MXRA7: variants seen among roughly 807,000 people sequenced by gnomAD.
MXRA7 encodes the protein matrix-remodeling-associated protein 7.
In MXRA7, 18 loss-of-function variants were observed where a neutral mutation model predicts 17.4. That is an observed-to-expected ratio of 1.03 (90% CI 0.71 to 1.53). The LOEUF (loss-of-function observed/expected upper bound fraction) is 1.53. MXRA7 is among the 40% of genes most tolerant of loss of function. The pLI, the probability that MXRA7 is intolerant of heterozygous loss-of-function variation, is 0.00. For synonymous variants in MXRA7, 70 were observed against 101.7 expected (o/e 0.69, Z 1.87); for missense variants, 141 against 209.3 (o/e 0.67, Z 2.01).
At chr17:76,703,627 G>GGT (rs1567989239) in intron 1 of MXRA7, 1 of 151,146 alleles carries the variant, frequency 6.6e-6, no homozygotes, top group Non-Finnish European at 1.5e-5. Flanking sequence ...TTTGTTTTTT[G>GGT]TTTTTTAAAG....
chr17:76,702,730 T>C (rs2076604038), intron 1 of MXRA7, among the ~76,000 whole-genome samples: 1 of 151,638 alleles, frequency 6.6e-6, no homozygotes, highest in African/African-American at 2.4e-5. Context: ...TAGGTGCCTG[T>C]AATCCCAACT....
intron 1 of MXRA7, among the ~76,000 whole-genome samples, chr17:76,697,284 A>G (rs1051092200): frequency 6.6e-6 from 1 of 152,182 alleles, no homozygotes; most frequent in African/African-American, 2.4e-5. Flanking sequence ...AAGGCGGCCA[A>G]CTGCAAGCCA....
In MXRA7 at chr17:76,680,402, G is replaced by A; in HGVS notation, c.*465C>T. The stretch of plus-strand genomic sequence containing the variant: ...GTCGGCTGACCACCCTGACGGAGCT[G>A]GTGAGCACAGGTGAGCTCTACCTCA... On this transcript the variant is annotated 3_prime_UTR_variant, in exon 4 of 4. Transcript: ENST00000449428. The A allele has an allele frequency of 1.0e-6, 1 of 985,934 alleles. No homozygotes were observed. Among genetic ancestry groups the A allele is most frequent in the Non-Finnish European group, 1.2e-6 (1 of 830,240 alleles). 61.1% of individuals were successfully genotyped at this position (985,934 alleles called of 1,614,324 possible).
chr17:76,704,583 A>G (rs1254574646), intron 1 of MXRA7, among the ~76,000 whole-genome samples: 1 of 150,452 alleles, frequency 6.6e-6, no homozygotes, highest in East Asian at 2.0e-4. Flanking sequence ...CCAGGAGTTC[A>G]AGACCACCCT....
intron 1 of MXRA7, among the ~76,000 whole-genome samples, chr17:76,696,125 T>C (rs2076530886): frequency 6.6e-6 from 1 of 152,012 alleles, no homozygotes; most frequent in South Asian, 2.1e-4. Flanking sequence ...AGAAACAGTG[T>C]GCAGAAATGC....
At chr17:76,684,715 G>A (rs1455289159) in intron 3 of MXRA7, 2 of 441,146 alleles carry the variant, frequency 4.5e-6, no homozygotes. Flanking sequence ...GGGACTGTGT[G>A]TGTGAGTGAC....
At chr17:76,673,095 G>A (rs574878041) in exon 4 of MXRA7, 1 of 152,340 alleles carries the variant, frequency 6.6e-6, no homozygotes, top group South Asian at 2.1e-4. Context: ...CTCTAGAACT[G>A]GAATGGTCCA....
intron 1 of MXRA7, among the ~76,000 whole-genome samples, chr17:76,698,719 T>G (rs796839258): frequency 3.2e-4 from 43 of 136,428 alleles, no homozygotes; most frequent in African/African-American, 1.2e-3. Context: ...TCTGTTTTTT[T>G]TTTTTTTTTT....
downstream of MXRA7, chr17:76,676,444 G>A (rs930274476): frequency 3.9e-5 from 6 of 152,332 alleles, no homozygotes; most frequent in Admixed American, 3.3e-4. Context: ...TGGAAGGTGA[G>A]TCTCTGAATT....
chr17:76,682,601 G>A (rs745382212), intron 3 of MXRA7, among the ~76,000 whole-genome samples: 2 of 152,114 alleles, frequency 1.3e-5, no homozygotes, highest in Admixed American at 6.5e-5. Flanking sequence ...ATCACCGTGT[G>A]AGGACAGCGT....
chr17:76,692,528 C>A (rs767776770), intron 1 of MXRA7, among the ~76,000 whole-genome samples: 3 of 151,844 alleles, frequency 2.0e-5, no homozygotes, highest in African/African-American at 7.3e-5. Context: ...GCTGGGATTA[C>A]AGGTGTGGGC....
intron 3 of MXRA7, among the ~76,000 whole-genome samples, chr17:76,683,326 C>T (rs1436484341): frequency 6.6e-6 from 1 of 152,242 alleles, no homozygotes; most frequent in Non-Finnish European, 1.5e-5. Context: ...GCTACTACTG[C>T]CACGCTGGAT....
chr17:76,685,174 G>C lies in MXRA7; in HGVS notation c.407-9C>G, dbSNP rs777835744. The C allele has an allele frequency of 1.5e-5, 24 of 1,609,562 alleles. No homozygotes were observed. In the East Asian group the frequency reaches 4.5e-4, roughly 30 times the overall value. On this transcript the variant is annotated splice_polypyrimidine_tract_variant and intron_variant, in intron 2 of 3. Coordinates refer to ENST00000449428, the MANE Select transcript of MXRA7 (RefSeq NM_198530.4). The stretch of plus-strand genomic sequence containing the variant: ...GAAGGAGAAGCCTTCTCCTGTGGAG[G>C]GGGGACCCAGTAAGTGCCAGGAGTG...
intron 1 of MXRA7, among the ~76,000 whole-genome samples, chr17:76,692,647 A>G (rs539489960): frequency 6.7e-6 from 1 of 150,160 alleles, no homozygotes; most frequent in South Asian, 2.1e-4. Context: ...AAAAAAAAAA[A>G]AAATGGGCGA....
chr17:76,707,826 C>T (rs1284742307), intron 1 of MXRA7, among the ~76,000 whole-genome samples: 5 of 152,196 alleles, frequency 3.3e-5, no homozygotes, highest in Non-Finnish European at 7.4e-5. Context: ...ACCAAGAAAG[C>T]CCTGAGTCCT....
intron 1 of MXRA7, among the ~76,000 whole-genome samples, chr17:76,691,119 AGAGACTGGAGAG>A (rs1192237602): frequency 2.0e-5 from 3 of 152,186 alleles, no homozygotes; most frequent in Non-Finnish European, 4.4e-5. Flanking sequence ...AGCTTCCTCC[AGAGACTGGAGAG>A]GAGCTGGAGA....
intron 3 of MXRA7, among the ~76,000 whole-genome samples, chr17:76,684,854 C>A (rs1405390069): frequency 6.6e-6 from 1 of 152,122 alleles, no homozygotes; most frequent in Non-Finnish European, 1.5e-5. Flanking sequence ...TCCTTCTGGT[C>A]AGTGCCAGGG....
intron 1 of MXRA7, among the ~76,000 whole-genome samples, chr17:76,702,628 T>C (rs894912107): frequency 1.3e-5 from 2 of 152,102 alleles, no homozygotes; most frequent in African/African-American, 2.4e-5. Context: ...GGCGAATGCA[T>C]TGCTTGAGGG....
chr17:76,706,317 A>ACAGAGGCCCACTCTGCCG (rs1567990929), intron 1 of MXRA7, among the ~76,000 whole-genome samples: 1 of 51,278 alleles, frequency 2.0e-5, no homozygotes, highest in African/African-American at 6.3e-5. Context: ...CCACGCTGCC[A>ACAGAGGCCCACTCTGCCG]TCACAAAGGA....
Sources: gnomAD v4.1 joint callset for allele counts (sites outside exome capture counted in the v4.1 genomes callset) on GRCh38, gnomAD v4.1.1 for gene constraint, MANE v1.5 for transcripts, NCBI Gene and HGNC (gene_info 2026-07-23, HGNC 2026-07-21) for gene names.